The following DNAH14 variants were observed in gnomAD, a reference collection of about 807,000 sequenced individuals.
DNAH14 encodes the protein axonemal beta dynein heavy chain 14.
A neutral mutation model predicts 520.9 loss-of-function variants in DNAH14; 478 were observed. The ratio of observed to expected loss-of-function variants is 0.92; its 90% confidence interval spans 0.85 to 0.99. The LOEUF is 0.99. Among genes scored for constraint, DNAH14 ranks in the 50% least tolerant of loss-of-function variants. The pLI is 0.00. For missense variants in DNAH14, 4,831 were observed against 5,234.5 expected, an observed-to-expected ratio of 0.92 and a Z score of 2.38; for synonymous variants, 1,581 against 1,757.2, an observed-to-expected ratio of 0.90 and a Z score of 2.51.
intron 55 of DNAH14, among the ~76,000 whole-genome samples, chr1:225,292,797 T>C (rs930424975): frequency 1.3e-5 from 2 of 152,144 alleles, no homozygotes; most frequent in Admixed American, 1.3e-4. Context: ...CAGTTTTCCT[T>C]GTAGAGTTCT....
At chr1:225,151,767 T>C in intron 31 of DNAH14, 1 of 625,922 alleles carries the variant, frequency 1.6e-6, no homozygotes, top group Non-Finnish European at 2.8e-6. Flanking sequence ...CAGCCTCAGG[T>C]CCCAGAAACA....
intron 55 of DNAH14, among the ~76,000 whole-genome samples, chr1:225,295,400 T>C (rs2093985825): frequency 6.6e-6 from 1 of 152,218 alleles, no homozygotes; most frequent in Non-Finnish European, 1.5e-5. Context: ...TAAACTTGCC[T>C]CTTAATACTG....
At chr1:225,340,057 A>AT (rs11399517) in intron 68 of DNAH14, among the ~76,000 whole-genome samples, 86,632 of 151,452 alleles carry the variant, frequency 0.57, 25,452 homozygotes, top group East Asian at 0.76. Context: ...AGCTATTGAA[A>AT]TTTTTTTTTA....
Position 225,338,162 on chromosome 1 carries a change from C to G in DNAH14, c.10413C>G (p.Phe3471Leu), listed in dbSNP as rs56918103. ...HYFIRVGDAEFEYNSNFRLYL... is the reference protein window; with the variant it reads ...HYFIRVGDAELEYNSNFRLYL... ...TCATAAGGGTTGGTGATGCTGAGTT[C>G]GAATACAATTCAAATTTTAGGTAAT... Residue 3471 changes from phenylalanine (F) to leucine (L), a missense_variant, in exon 68 of 86, where the codon TTC (phenylalanine) becomes TTG (leucine). Coordinates refer to ENST00000682510, the MANE Select transcript of DNAH14 (RefSeq NM_001367479.1). 16,327 of 1,551,486 alleles carry G rather than the reference C, an allele frequency of 0.011. 1,311 individuals are homozygous for G. The African/African-American group carries it at 0.18, about 17-fold the overall frequency.
chr1:225,091,007 G>C (rs1268919927), intron 21 of DNAH14, among the ~76,000 whole-genome samples: 1 of 151,956 alleles, frequency 6.6e-6, no homozygotes, highest in Non-Finnish European at 1.5e-5. Flanking sequence ...AATATATAAA[G>C]AACTCTCAAA....
At chr1:225,155,187 C>T (rs2080906129) in intron 34 of DNAH14, among the ~76,000 whole-genome samples, 1 of 151,828 alleles carries the variant, frequency 6.6e-6, no homozygotes, top group African/African-American at 2.4e-5. Context: ...TAGAAAGGAA[C>T]AAGATATACC....
chr1:225,104,333 G>C (rs1313829460), intron 23 of DNAH14, among the ~76,000 whole-genome samples: 2 of 152,086 alleles, frequency 1.3e-5, no homozygotes. Context: ...CAGGGATATT[G>C]GTCTAAAATT....
chr1:224,984,013 A>G (rs2062452146), intron 8 of DNAH14, among the ~76,000 whole-genome samples: 1 of 152,196 alleles, frequency 6.6e-6, no homozygotes, highest in African/African-American at 2.4e-5. Context: ...AAATACCATC[A>G]TAATTCTTCA....
chr1:225,295,365 T>C (rs1331378510), intron 55 of DNAH14, among the ~76,000 whole-genome samples: 4 of 152,214 alleles, frequency 2.6e-5, no homozygotes, highest in African/African-American at 9.6e-5. Flanking sequence ...GAAATCTTTC[T>C]TTTTTATGTA....
At position 225,364,860 on chromosome 1, in the gene DNAH14, C is replaced by A. The variant is rs1001467174; in HGVS notation, c.12056C>A (p.Ser4019Tyr). 5.2e-6 allele frequency: 8 copies of A among 1,548,314 alleles called. 1 individual carries two copies. The highest frequency in any genetic ancestry group is 4.0e-4 in the Middle Eastern group (2 of 5,040). ...TGGTTAAGCTCAAAATCATACAGTTCTTTTCCAATTCCTGTTCTTAAAAAG... is the reference window on the plus strand; with the variant it reads ...TGGTTAAGCTCAAAATCATACAGTTATTTTCCAATTCCTGTTCTTAAAAAG... Reference protein sequence around the residue: ...RLWLSSKSYSSFPIPVLKKGL... With the variant: ...RLWLSSKSYSYFPIPVLKKGL... Residue 4019 changes from serine (S) to tyrosine (Y), a missense_variant, in exon 76 of 86, where the codon TCT becomes TAT. Transcript: ENST00000682510.
intron 1 of DNAH14, among the ~76,000 whole-genome samples, chr1:224,945,321 C>T (rs1461881407): frequency 1.3e-5 from 2 of 152,132 alleles, no homozygotes; most frequent in East Asian, 1.9e-4. Flanking sequence ...ACGTAGTTAT[C>T]GTGCCTTGGT....
intron 60 of DNAH14, among the ~76,000 whole-genome samples, chr1:225,309,395 A>G (rs539178195): frequency 1.2e-4 from 18 of 152,298 alleles, no homozygotes; most frequent in African/African-American, 4.3e-4. Context: ...AGGTAACAGA[A>G]GAGGCAAATC....
intron 8 of DNAH14, among the ~76,000 whole-genome samples, chr1:224,995,705 T>G (rs931794567): frequency 6.6e-6 from 1 of 152,060 alleles, no homozygotes; most frequent in African/African-American, 2.4e-5. Context: ...TGTTCTATAA[T>G]TCATGTAGGC....
intron 23 of DNAH14, among the ~76,000 whole-genome samples, chr1:225,116,611 G>A (rs2148853151): frequency 6.6e-6 from 1 of 152,320 alleles, no homozygotes; most frequent in South Asian, 2.1e-4. Context: ...GAGCTGAAGA[G>A]CAAGTATGTC....
At chr1:225,254,886 C>T (rs187009312) in intron 44 of DNAH14, among the ~76,000 whole-genome samples, 7 of 152,292 alleles carry the variant, frequency 4.6e-5, no homozygotes, top group Admixed American at 4.6e-4. Context: ...ATTGTTTCAA[C>T]TCACGTCATG....
chr1:225,324,666 A>T (rs368807063), intron 63 of DNAH14, 71 bp from the exon 64 acceptor site: 1 of 1,314,052 alleles, frequency 7.6e-7, no homozygotes. Context: ...AATGTCTTTC[A>T]AATATAAATG....
intron 17 of DNAH14, among the ~76,000 whole-genome samples, chr1:225,066,731 A>T (rs756979954): frequency 6.6e-6 from 1 of 151,916 alleles, no homozygotes; most frequent in Admixed American, 6.6e-5. Context: ...TCCCACTTAT[A>T]AGTGAGAACA....
chr1:225,163,979 T>C (rs557355953), intron 35 of DNAH14, among the ~76,000 whole-genome samples: 2 of 152,288 alleles, frequency 1.3e-5, no homozygotes, highest in South Asian at 4.1e-4. Context: ...CTTTTTTTAG[T>C]GTTTAATGTA....
At chr1:225,341,870 T>C (rs1301302345) in intron 69 of DNAH14, among the ~76,000 whole-genome samples, 1 of 152,224 alleles carries the variant, frequency 6.6e-6, no homozygotes, top group Non-Finnish European at 1.5e-5. Flanking sequence ...CTATTTTAAC[T>C]TGTGACTCAC....
Sources: allele counts gnomAD v4.1 joint callset (sites outside exome capture counted in the v4.1 genomes callset), GRCh38; gene constraint gnomAD v4.1.1; transcripts MANE v1.5; gene names NCBI Gene and HGNC (gene_info 2026-07-23, HGNC 2026-07-21).